Variants in CHN2 observed in about 807,000 individuals in gnomAD.
CHN2 encodes beta-chimaerin.
In CHN2, 35 loss-of-function variants were observed where a neutral mutation model predicts 56.3. The observed-to-expected ratio is 0.62, with a 90% CI of 0.47 to 0.82. The LOEUF (loss-of-function observed/expected upper bound fraction) is 0.82. CHN2 is among the 40% of genes least tolerant of loss of function. The pLI, the probability that CHN2 is intolerant of heterozygous loss-of-function variation, is 0.00. For missense variants in CHN2, 491 were observed against 580.5 expected (o/e 0.85, Z 1.58); for synonymous variants, 210 against 212.8 (o/e 0.99, Z 0.12).
intron 6 of CHN2, among the ~76,000 whole-genome samples, chr7:29,478,657 C>T (rs1396427832): frequency 1.3e-5 from 2 of 152,180 alleles, no homozygotes; most frequent in East Asian, 3.9e-4. Context: ...GGGCAAATTG[C>T]TTTACCTCTC....
chr7:29,162,212 TG>T (rs1795271255), intron 2 of CHN2, among the ~76,000 whole-genome samples: 1 of 152,152 alleles, frequency 6.6e-6, no homozygotes, highest in Non-Finnish European at 1.5e-5. Flanking sequence ...ACACAAAAAC[TG>T]TTCACAAATG....
At chr7:29,248,260 A>G (rs776836943) in intron 1 of CHN2, among the ~76,000 whole-genome samples, 7 of 152,196 alleles carry the variant, frequency 4.6e-5, no homozygotes, top group Non-Finnish European at 8.8e-5. Context: ...GACATGTGCT[A>G]TCGGACCAGA....
intron 1 of CHN2, among the ~76,000 whole-genome samples, chr7:29,324,797 T>C (rs1795679471): frequency 6.6e-6 from 1 of 152,224 alleles, no homozygotes; most frequent in Non-Finnish European, 1.5e-5. Context: ...GTTTATTTCT[T>C]GTAAATATAG....
At chr7:29,214,117 G>A (rs1785157757) in intron 1 of CHN2, among the ~76,000 whole-genome samples, 1 of 152,166 alleles carries the variant, frequency 6.6e-6, no homozygotes, top group South Asian at 2.1e-4. Context: ...CTCATCTCCA[G>A]AAATGAGTCA....
At chr7:29,452,157 T>C (rs1336859028) in intron 6 of CHN2, among the ~76,000 whole-genome samples, 1 of 152,248 alleles carries the variant, frequency 6.6e-6, no homozygotes, top group Non-Finnish European at 1.5e-5. Context: ...ACAAATTATA[T>C]AGTTGGGACT....
intron 6 of CHN2, among the ~76,000 whole-genome samples, chr7:29,477,678 C>G (rs1002477608): frequency 1.3e-5 from 2 of 152,248 alleles, no homozygotes; most frequent in Non-Finnish European, 2.9e-5. Flanking sequence ...CCTGCCATAA[C>G]AGTTGTCCTT....
chr7:29,494,407 G>T (rs751943745), intron 7 of CHN2, among the ~76,000 whole-genome samples: 3 of 152,036 alleles, frequency 2.0e-5, no homozygotes, highest in Non-Finnish European at 4.4e-5. Flanking sequence ...ATGTATGATT[G>T]CTGAATTTAG....
intron 1 of CHN2, among the ~76,000 whole-genome samples, chr7:29,270,731 A>G (rs192198122): frequency 6.6e-6 from 1 of 152,230 alleles, no homozygotes; most frequent in Admixed American, 6.5e-5. Context: ...GTTTGAGTAT[A>G]GCAGAAGGCT....
intron 3 of CHN2, among the ~76,000 whole-genome samples, chr7:29,369,281 A>G (rs948932353): frequency 1.3e-5 from 2 of 152,216 alleles, no homozygotes; most frequent in Non-Finnish European, 2.9e-5. Flanking sequence ...TCTCAATGAA[A>G]AAAAACTTTG....
intron 1 of CHN2, among the ~76,000 whole-genome samples, chr7:29,267,533 A>G (rs1003549263): frequency 6.6e-6 from 1 of 152,142 alleles, no homozygotes; most frequent in Non-Finnish European, 1.5e-5. Context: ...GTGAGTCACC[A>G]TGCCCGGCCT....
chr7:29,483,057 G>A (rs1478897420), intron 7 of CHN2, among the ~76,000 whole-genome samples: 2 of 151,830 alleles, frequency 1.3e-5, no homozygotes, highest in African/African-American at 2.4e-5. Flanking sequence ...TCCTGACCTC[G>A]TGATCCGCCC....
intron 1 of CHN2, among the ~76,000 whole-genome samples, chr7:29,217,094 C>T (rs1448789911): frequency 6.6e-6 from 1 of 152,146 alleles, no homozygotes; most frequent in Non-Finnish European, 1.5e-5. Flanking sequence ...AGCGAACTAA[C>T]CGTTTGTGGT....
intron 2 of CHN2, among the ~76,000 whole-genome samples, chr7:29,170,667 G>T (rs961012114): frequency 7.2e-5 from 11 of 152,094 alleles, no homozygotes; most frequent in African/African-American, 2.2e-4. Flanking sequence ...CTAATCTCAG[G>T]CAAAAATGAC....
intron 2 of CHN2, among the ~76,000 whole-genome samples, chr7:29,179,638 G>A (rs923159710): frequency 2.6e-5 from 4 of 152,192 alleles, no homozygotes; most frequent in Non-Finnish European, 5.9e-5. Context: ...TCTGATATAT[G>A]TAAATAAATA....
At chr7:29,470,872 C>T (rs951276141) in intron 6 of CHN2, among the ~76,000 whole-genome samples, 1 of 152,154 alleles carries the variant, frequency 6.6e-6, no homozygotes. Flanking sequence ...TCATTTGGGG[C>T]ACTTACTTCT....
chr7:29,411,520 A>G (rs183464908), intron 6 of CHN2, among the ~76,000 whole-genome samples: 136 of 152,156 alleles, frequency 8.9e-4, no homozygotes, highest in African/African-American at 3.1e-3. Flanking sequence ...CACTAATCCC[A>G]GAGGTGGATT....
rs774076136 is a variant in CHN2, at chr7:29,400,700, A to G, written c.448A>G (p.Asn150Asp). The change falls in exon 6 of 13, where the codon AAC becomes GAC. Residue 150 changes from asparagine to aspartate, a missense_variant. By Grantham distance (23) the Asn-to-Asp change is conservative (BLOSUM62 1). Coordinates refer to ENST00000222792, the MANE Select transcript of CHN2 (RefSeq NM_004067.4). ...AAEYISKMTT[N>D]PIYEHIGYAT... ...CGAGTACATTTCAAAAATGACAACT[A>G]ACCCCATCTATGAACACATTGGATA... is the stretch of plus-strand genomic sequence containing the variant. 6.2e-7 allele frequency: 1 copy of G among 1,614,198 alleles called. No individual in the cohort carries two copies. Among genetic ancestry groups the G allele is most frequent in the Non-Finnish European group, 8.5e-7 (1 of 1,180,042 alleles).
intron 1 of CHN2, among the ~76,000 whole-genome samples, chr7:29,271,977 A>C (rs1790683687): frequency 6.6e-6 from 1 of 152,130 alleles, no homozygotes; most frequent in African/African-American, 2.4e-5. Context: ...AGGTGAAATC[A>C]CTATTTCACT....
At chr7:29,236,106 G>T (rs1220612701) in intron 1 of CHN2, among the ~76,000 whole-genome samples, 4 of 152,224 alleles carry the variant, frequency 2.6e-5, no homozygotes, top group African/African-American at 9.6e-5. Context: ...TGCAGCCATT[G>T]TTTACTTTCT....
Sources: allele counts gnomAD v4.1 joint callset (sites outside exome capture counted in the v4.1 genomes callset), GRCh38; gene constraint gnomAD v4.1.1; transcripts MANE v1.5; gene names NCBI Gene and HGNC (gene_info 2026-07-23, HGNC 2026-07-21).